The following MDGA2 variants were observed in gnomAD, a reference collection of about 807,000 sequenced individuals.
MDGA2 encodes MAM domain containing glycosylphosphatidylinositol anchor 2.
A neutral mutation model predicts 117.8 loss-of-function variants in MDGA2; 40 were observed. The ratio of observed to expected loss-of-function variants is 0.34; its 90% CI spans 0.26 to 0.44. MDGA2 has a LOEUF of 0.44. MDGA2 is among the 20% of genes least tolerant of loss of function. The probability of loss-of-function intolerance (pLI) is 1.00; values close to 1 mark genes in which losing one functional copy is unlikely to be tolerated. For missense variants in MDGA2, 1,123 were observed against 1,250.6 expected (o/e 0.90, Z 1.54); for synonymous variants, 452 against 439.0 (o/e 1.03, Z -0.37).
intron 15 of MDGA2, among the ~76,000 whole-genome samples, chr14:46,853,937 T>C (rs1881161996): frequency 6.6e-6 from 1 of 151,852 alleles, no homozygotes; most frequent in South Asian, 2.1e-4. Flanking sequence ...TTGATCTTCA[T>C]AGAAACAAAA....
intron 1 of MDGA2, among the ~76,000 whole-genome samples, chr14:47,610,730 A>C (rs1896832260): frequency 6.6e-6 from 1 of 152,120 alleles, no homozygotes; most frequent in African/African-American, 2.4e-5. Flanking sequence ...GATGGGGAGA[A>C]TCAATATTGT....
chr14:47,298,954 G>A (rs1382131309), intron 2 of MDGA2, among the ~76,000 whole-genome samples: 1 of 151,984 alleles, frequency 6.6e-6, no homozygotes, highest in Non-Finnish European at 1.5e-5. Flanking sequence ...CTAAAGTGCT[G>A]GGATTACAGG....
chr14:47,083,943 G>C (rs185607232), intron 6 of MDGA2, among the ~76,000 whole-genome samples: 294 of 152,086 alleles, frequency 1.9e-3, no homozygotes, highest in African/African-American at 6.7e-3. Flanking sequence ...AAAACAGATA[G>C]AACTGAAAGG....
intron 8 of MDGA2, among the ~76,000 whole-genome samples, chr14:46,978,235 A>C (rs963076599): frequency 6.6e-6 from 1 of 152,016 alleles, no homozygotes; most frequent in African/African-American, 2.4e-5. Flanking sequence ...TTTGTCTATT[A>C]TAACAAAGAT....
intron 3 of MDGA2, among the ~76,000 whole-genome samples, chr14:47,177,168 T>G (rs970141414): frequency 6.6e-6 from 1 of 152,146 alleles, no homozygotes; most frequent in South Asian, 2.1e-4. Context: ...CTAGAGAGGA[T>G]GTGGAGAAAT....
chr14:46,902,629 G>C (rs1216185957), intron 10 of MDGA2, among the ~76,000 whole-genome samples: 1 of 152,128 alleles, frequency 6.6e-6, no homozygotes, highest in East Asian at 1.9e-4. Flanking sequence ...TATTGATGCA[G>C]AATGTATATA....
At chr14:47,157,356 G>A (rs143594608) in intron 3 of MDGA2, among the ~76,000 whole-genome samples, 1 of 152,030 alleles carries the variant, frequency 6.6e-6, no homozygotes, top group African/African-American at 2.4e-5. Context: ...ACACAAATTA[G>A]AATCCATTGC....
intron 2 of MDGA2, among the ~76,000 whole-genome samples, chr14:47,264,302 A>T (rs1406382764): frequency 6.6e-6 from 1 of 152,174 alleles, no homozygotes; most frequent in Non-Finnish European, 1.5e-5. Context: ...GATAATAAAC[A>T]AAAAATAATA....
In MDGA2 at chr14:47,674,638, C is replaced by G; in HGVS notation, c.159G>C (p.Lys53Asn). Reference protein sequence around the residue: ...ERAWLAAGLLKVPLRTPWAGY... With the variant: ...ERAWLAAGLLNVPLRTPWAGY... ...CAGCCCAGGGGGTACGCAACGGGAC[C>G]TTCAGGAGGCCGGCGGCCAGCCAGG... Residue 53 changes from lysine to asparagine, a missense_variant, in exon 1 of 17, where the codon AAG (lysine) becomes AAC (asparagine). By Grantham distance (94) the Lys-to-Asn change is moderately conservative (BLOSUM62 0). Around this residue, in one of 2 missense-constraint regions of MDGA2, gnomAD observed 233 missense variants for 200.3 expected, o/e 1.16. Transcript: ENST00000399232. The G allele has an allele frequency of 6.6e-7, 1 of 1,514,246 alleles. No individual in the cohort carries two copies. Among genetic ancestry groups the G allele is most frequent in the Non-Finnish European group, 9.0e-7 (1 of 1,113,660 alleles). The allele number at this position is 1,514,246 out of a possible 1,614,324, so 93.8% of individuals were successfully genotyped here.
intron 1 of MDGA2, among the ~76,000 whole-genome samples, chr14:47,484,493 A>G (rs1894017595): frequency 6.6e-6 from 1 of 152,192 alleles, no homozygotes. Context: ...GGGAGGATTC[A>G]CTAACTGAAG....
At chr14:47,045,777 C>G (rs910900674) in intron 7 of MDGA2, among the ~76,000 whole-genome samples, 1 of 151,982 alleles carries the variant, frequency 6.6e-6, no homozygotes, top group African/African-American at 2.4e-5. Context: ...CCAGCCTGGC[C>G]AACATGCAGT....
At chr14:46,885,225 AAATT>A (rs1347057039) in intron 10 of MDGA2, among the ~76,000 whole-genome samples, 3 of 152,132 alleles carry the variant, frequency 2.0e-5, no homozygotes, top group Admixed American at 1.3e-4. Context: ...ACCAAATTTA[AAATT>A]AATTAAATAT....
intron 1 of MDGA2, among the ~76,000 whole-genome samples, chr14:47,319,491 ATT>A (rs1431139549): frequency 6.6e-6 from 1 of 152,168 alleles, no homozygotes; most frequent in East Asian, 1.9e-4. Flanking sequence ...AGCATATCCC[ATT>A]TTCAGCTAAC....
intron 1 of MDGA2, among the ~76,000 whole-genome samples, chr14:47,401,745 A>T (rs1892153677): frequency 6.6e-6 from 1 of 152,216 alleles, no homozygotes; most frequent in Non-Finnish European, 1.5e-5. Context: ...CCATGTCGCC[A>T]GCACAATCAC....
intron 1 of MDGA2, among the ~76,000 whole-genome samples, chr14:47,450,958 A>G (rs187763622): frequency 5.3e-5 from 8 of 152,178 alleles, no homozygotes; most frequent in African/African-American, 7.2e-5. Flanking sequence ...AACTTCTTCT[A>G]TTCTCTAACT....
At chr14:47,324,836 CAG>C (rs918649667) in intron 1 of MDGA2, among the ~76,000 whole-genome samples, 63 of 148,968 alleles carry the variant, frequency 4.2e-4, no homozygotes, top group Admixed American at 6.0e-4. Flanking sequence ...ATTGTATACA[CAG>C]AGAGAGAGAG....
At chr14:47,245,332 G>A (rs1045664270) in intron 2 of MDGA2, among the ~76,000 whole-genome samples, 1 of 151,850 alleles carries the variant, frequency 6.6e-6, no homozygotes, top group South Asian at 2.1e-4. Flanking sequence ...TACTTTATTG[G>A]ATATAATACA....
chr14:47,619,101 G>C (rs1304035147), intron 1 of MDGA2, among the ~76,000 whole-genome samples: 1 of 138,988 alleles, frequency 7.2e-6, no homozygotes. Flanking sequence ...TAGCATCTCT[G>C]AGCCTCAGTT....
chr14:47,143,621 TGAC>T (rs1411223491), intron 4 of MDGA2, among the ~76,000 whole-genome samples: 4 of 152,090 alleles, frequency 2.6e-5, no homozygotes, highest in Non-Finnish European at 5.9e-5. Context: ...AAAACAAACA[TGAC>T]TAAAGGAAAT....
Sources: gnomAD v4.1 joint callset for allele counts (sites outside exome capture counted in the v4.1 genomes callset) on GRCh38, gnomAD v4.1.1 for gene constraint, gnomAD v4.1.1 regional missense constraint, MANE v1.5 for transcripts, NCBI Gene and HGNC (gene_info 2026-07-23, HGNC 2026-07-21) for gene names.